PDZRN4: variants seen among roughly 807,000 people sequenced by gnomAD.
The protein encoded by PDZRN4 is PDZ domain containing ring finger 4.
In PDZRN4, 70 loss-of-function variants were observed where a neutral mutation model predicts 99.0. That is an observed-to-expected ratio of 0.71 (90% CI 0.58 to 0.86). PDZRN4 has a LOEUF of 0.86. Among genes scored for constraint, PDZRN4 ranks in the 40% least tolerant of loss-of-function variants. PDZRN4 has a pLI of 0.00. For missense variants in PDZRN4, 1,474 were observed against 1,331.2 expected (o/e 1.11, Z -1.67); for synonymous variants, 551 against 501.6 (o/e 1.10, Z -1.32).
chr12:41,280,868 G>A (rs1037714523), intron 3 of PDZRN4, among the ~76,000 whole-genome samples: 13 of 152,160 alleles, frequency 8.5e-5, no homozygotes, highest in Admixed American at 6.5e-5. Context: ...CTCTGAGAAC[G>A]GACAGACTGC....
At chr12:41,461,001 T>C (rs1952867882) in intron 3 of PDZRN4, among the ~76,000 whole-genome samples, 1 of 152,178 alleles carries the variant, frequency 6.6e-6, no homozygotes, top group Non-Finnish European at 1.5e-5. Context: ...AGACACAGCT[T>C]TAGCTTTTCC....
At chr12:41,559,530 T>A (rs1939230157) in intron 7 of PDZRN4, among the ~76,000 whole-genome samples, 1 of 152,164 alleles carries the variant, frequency 6.6e-6, no homozygotes, top group Non-Finnish European at 1.5e-5. Context: ...ATTCTCCTTT[T>A]CTCCTTGGGA....
At chr12:41,492,222 T>C (rs1038885413) in intron 3 of PDZRN4, among the ~76,000 whole-genome samples, 23 of 152,242 alleles carry the variant, frequency 1.5e-4, no homozygotes, top group Non-Finnish European at 3.1e-4. Context: ...ACTTATCATC[T>C]AAGATTAACT....
chr12:41,507,555 A>G (rs746762357), intron 4 of PDZRN4, among the ~76,000 whole-genome samples: 4 of 152,130 alleles, frequency 2.6e-5, no homozygotes, highest in Non-Finnish European at 5.9e-5. Context: ...TGGCTCCCAT[A>G]AGCCCGTTTC....
intron 3 of PDZRN4, among the ~76,000 whole-genome samples, chr12:41,459,754 AT>A (rs1214597461): frequency 1.6e-4 from 25 of 152,328 alleles, no homozygotes; most frequent in African/African-American, 5.3e-4. Flanking sequence ...ATAAACATCA[AT>A]TAAATGTAGT....
intron 3 of PDZRN4, among the ~76,000 whole-genome samples, chr12:41,371,592 G>C (rs146303470): frequency 2.0e-5 from 3 of 152,078 alleles, no homozygotes; most frequent in Non-Finnish European, 4.4e-5. Flanking sequence ...ACAAATAAAA[G>C]AGTCTGTAAC....
intron 3 of PDZRN4, among the ~76,000 whole-genome samples, chr12:41,237,171 A>G (rs10879889): frequency 0.67 from 101,987 of 151,702 alleles, 34,406 homozygotes; most frequent in South Asian, 0.73. Context: ...GTGCCCCCTC[A>G]TAGGCACTTC....
At chr12:41,252,885 T>C (rs1951180527) in intron 3 of PDZRN4, among the ~76,000 whole-genome samples, 2 of 152,166 alleles carry the variant, frequency 1.3e-5, no homozygotes, top group African/African-American at 4.8e-5. Flanking sequence ...ATTGTAGTGG[T>C]GGTTAGTTGG....
intron 3 of PDZRN4, among the ~76,000 whole-genome samples, chr12:41,401,623 C>G (rs902525412): frequency 6.6e-6 from 1 of 152,116 alleles, no homozygotes; most frequent in African/African-American, 2.4e-5. Context: ...CTAGTCTTCA[C>G]TTTTGTGCAA....
intron 3 of PDZRN4, among the ~76,000 whole-genome samples, chr12:41,505,253 G>A (rs1399854589): frequency 6.6e-6 from 1 of 152,090 alleles, no homozygotes; most frequent in Non-Finnish European, 1.5e-5. Context: ...TCACCAACAG[G>A]CGGGTGGCTT....
At chr12:41,408,982 A>G (rs1206867953) in intron 3 of PDZRN4, among the ~76,000 whole-genome samples, 19 of 151,994 alleles carry the variant, frequency 1.3e-4, no homozygotes, top group Admixed American at 7.9e-4. Context: ...ACATTTTCCA[A>G]CCTACTCAGA....
At chr12:41,324,862 GT>G in intron 3 of PDZRN4, among the ~76,000 whole-genome samples, 1 of 152,066 alleles carries the variant, frequency 6.6e-6, no homozygotes, top group East Asian at 1.9e-4. Flanking sequence ...AATATTTGGA[GT>G]TAAATAAAAT....
At chr12:41,529,158 A>AAAGGACTGAGCT (rs1938619244) in intron 5 of PDZRN4, among the ~76,000 whole-genome samples, 1 of 152,138 alleles carries the variant, frequency 6.6e-6, no homozygotes, top group East Asian at 1.9e-4. Flanking sequence ...GCCAAGCTGA[A>AAAGGACTGAGCT]AAGGACTGAG....
chr12:41,452,267 A>C (rs1477198349), intron 3 of PDZRN4, among the ~76,000 whole-genome samples: 1 of 122,292 alleles, frequency 8.2e-6, no homozygotes, highest in Non-Finnish European at 1.7e-5. Context: ...GTCTCTACTA[A>C]AAAATACAAA....
chr12:41,416,358 G>T (rs1049261139), intron 3 of PDZRN4, among the ~76,000 whole-genome samples: 36 of 152,040 alleles, frequency 2.4e-4, no homozygotes, highest in African/African-American at 8.2e-4. Context: ...AAAACATTTG[G>T]TTTTGGCCAG....
chr12:41,456,766 T>C (rs2608696), intron 3 of PDZRN4, among the ~76,000 whole-genome samples: 78,733 of 152,090 alleles, frequency 0.52, 20,934 homozygotes, highest in African/African-American at 0.65. Context: ...TGCAGATAAA[T>C]CTAAAGGAAA....
intron 3 of PDZRN4, among the ~76,000 whole-genome samples, chr12:41,298,896 A>T (rs1473063970): frequency 3.3e-5 from 5 of 152,134 alleles, no homozygotes. Flanking sequence ...TTTAGTGGTG[A>T]TCAGTTCTCT....
chr12:41,464,820 CTTTTTTTTTTT>C (rs5797739), intron 3 of PDZRN4, among the ~76,000 whole-genome samples: 1 of 104,842 alleles, frequency 9.5e-6, no homozygotes, highest in South Asian at 3.2e-4. Context: ...GCCTGTTGTA[CTTTTTTTTTTT>C]TTTTTTTTTT....
At chr12:41,211,854 A>G (rs764439875) in intron 3 of PDZRN4, among the ~76,000 whole-genome samples, 1 of 151,992 alleles carries the variant, frequency 6.6e-6, no homozygotes, top group Non-Finnish European at 1.5e-5. Context: ...CGAGGCATTT[A>G]ATTGTGCATT....
Sources: gnomAD v4.1 joint callset for allele counts (sites outside exome capture counted in the v4.1 genomes callset) on GRCh38, gnomAD v4.1.1 for gene constraint, MANE v1.5 for transcripts, NCBI Gene and HGNC (gene_info 2026-07-23, HGNC 2026-07-21) for gene names.